TMEM38A: variants seen among roughly 807,000 people sequenced by gnomAD.
The protein encoded by TMEM38A is transmembrane protein 38A, also known as trimeric intracellular cation channel type A.
Under a neutral mutation model 28.6 loss-of-function variants are expected in TMEM38A, and 17 were observed. That is an observed-to-expected ratio of 0.60 (90% CI 0.41 to 0.89). TMEM38A has a LOEUF of 0.89. Among genes scored for constraint, TMEM38A ranks in the 40% least tolerant of loss-of-function variants. The probability of loss-of-function intolerance (pLI) is 0.00; values close to 1 mark genes in which losing one functional copy is unlikely to be tolerated. For synonymous variants in TMEM38A, 169 were observed against 166.1 expected (o/e 1.02, Z -0.14); for missense variants, 328 against 393.1 (o/e 0.83, Z 1.40).
chr19:16,670,243 C>T (rs1016025703), intron 1 of TMEM38A, among the ~76,000 whole-genome samples: 11 of 149,880 alleles, frequency 7.3e-5, no homozygotes, highest in Middle Eastern at 3.5e-3. Flanking sequence ...GCTGGGATTA[C>T]AGGCATCAGC....
chr19:16,687,979 C>G (rs1200690311), intron 5 of TMEM38A, among the ~76,000 whole-genome samples, 165 bp from the exon 6 acceptor site: 2 of 152,134 alleles, frequency 1.3e-5, no homozygotes, highest in African/African-American at 4.8e-5. Context: ...GGTCGCCCAT[C>G]ATCCTGGGGG....
At chr19:16,683,731 G>C (rs557690057) in intron 4 of TMEM38A, among the ~76,000 whole-genome samples, 62 of 152,284 alleles carry the variant, frequency 4.1e-4, no homozygotes, top group African/African-American at 1.3e-3. Flanking sequence ...AGCACTTTGG[G>C]AGGCTGAGGT....
intron 1 of TMEM38A, among the ~76,000 whole-genome samples, chr19:16,679,138 C>A (rs1406091738): frequency 1.4e-5 from 2 of 140,682 alleles, no homozygotes; most frequent in Admixed American, 7.4e-5. Flanking sequence ...GACAGAGTGA[C>A]ACTCTGTTTG....
chr19:16,670,663 G>A (rs907844836), intron 1 of TMEM38A, among the ~76,000 whole-genome samples: 18 of 152,126 alleles, frequency 1.2e-4, no homozygotes, highest in Non-Finnish European at 2.4e-4. Context: ...GTCCAGCCGG[G>A]TGCGGGGGCT....
In TMEM38A at chr19:16,661,777, C is replaced by G. The variant is rs1454649638; in HGVS notation, c.124+436C>G. Among the ~76,000 whole-genome samples, 1 of 150,960 alleles carries G rather than the reference C, an allele frequency of 6.6e-6. No homozygotes were observed. The highest frequency in any genetic ancestry group is 2.1e-4 in the South Asian group (1 of 4,784). The stretch of plus-strand genomic sequence containing the variant: ...AGCGCCAGCGGAGTGTCTATAAGGG[C>G]CACTGCGCTGGGGGCTGCGGTCAGG... On this transcript the variant is annotated intron_variant, in intron 1 of 5. Coordinates refer to ENST00000187762, the MANE Select transcript of TMEM38A (RefSeq NM_024074.4). This position sits in a 1 kb window ranked among gnomAD's most constrained non-coding sequence, Gnocchi z 6.5.
At chr19:16,672,114 C>A (rs2086730109) in intron 1 of TMEM38A, among the ~76,000 whole-genome samples, 1 of 152,110 alleles carries the variant, frequency 6.6e-6, no homozygotes, top group South Asian at 2.1e-4. Flanking sequence ...GGAGAAGCTG[C>A]ATTTTGGGCT....
chr19:16,686,400 T>C lies in TMEM38A; in HGVS notation c.667T>C (p.Cys223Arg). ...IFIFTLFMVS[C>R]KVFLTATHSH... The stretch of plus-strand genomic sequence containing the variant: ...CATCTTCACCTTGTTCATGGTGTCC[T>C]GTAAGGTAAGCCTTTCTCTTCTTGC... The change falls in exon 5 of 6, where the codon TGT becomes CGT. Residue 223 changes from cysteine to arginine, a missense_variant. Cys to Arg is a radical substitution (Grantham distance 180, BLOSUM62 -3). Transcript: ENST00000187762. 1 of 1,611,714 alleles carries C rather than the reference T, an allele frequency of 6.2e-7. No homozygotes were observed. Among genetic ancestry groups the C allele is most frequent in the Non-Finnish European group, 8.5e-7 (1 of 1,178,370 alleles).
rs1309041767 is a variant in TMEM38A at position 16,686,318 on chromosome 19, C to A, written c.585C>A (p.Ile195=). ...FPTKASLYGA[I]LFTLQQTRWL... is the part of the protein sequence containing the mutation. ...CCAAGGCCAGCCTGTATGGAGCCAT[C>A]CTCTTCACCCTCCAGCAGACCCGCT... Residue 195 remains isoleucine (I), a synonymous_variant, in exon 5 of 6, where the codon ATC becomes ATA. Transcript: ENST00000187762. 1.2e-6 allele frequency: 2 copies of A among 1,612,976 alleles called. No homozygotes were observed. Among genetic ancestry groups the A allele is most frequent in the African/African-American group, 2.7e-5 (2 of 74,896 alleles).
rs1162162094 is a variant in TMEM38A at position 16,662,448 on chromosome 19, TTTTTTTTTTTGCG to T, written c.124+1108_124+1120del. Among the ~76,000 whole-genome samples, 6 of 150,402 alleles carry T rather than the reference TTTTTTTTTTTGCG, an allele frequency of 4.0e-5. No homozygotes were observed. The East Asian group carries it at 9.7e-4, about 24-fold the overall frequency. On this transcript the variant is annotated intron_variant, in intron 1 of 5. Transcript: ENST00000187762. The stretch of plus-strand genomic sequence containing the variant: ...ACGTAAATGCACGCTTTTTTTTTTT[TTTTTTTTTTTGCG>T]GTTTTTTTTTTAGATGGAGTTTCGC...
intron 1 of TMEM38A, among the ~76,000 whole-genome samples, chr19:16,667,195 G>A (rs756255229): frequency 1.3e-5 from 2 of 151,858 alleles, no homozygotes; most frequent in African/African-American, 2.4e-5. Context: ...CTTGAACCAG[G>A]GAGGTGGAGG....
At chr19:16,682,343 C>A in intron 3 of TMEM38A, 78 bp from the exon 4 acceptor site, 1 of 1,188,974 alleles carries the variant, frequency 8.4e-7, no homozygotes, top group South Asian at 1.2e-5. Context: ...AGTGGAGAGA[C>A]TGCTTCCTTG....
In TMEM38A at chr19:16,682,527, C is replaced by G. The variant is rs764941464; in HGVS notation, c.554+19C>G. ...TGTCTTTGTGAGTATCCCACTCCAC[C>G]TCTCCCTCCATGCCTCCTGTATGTC... On this transcript the variant is annotated intron_variant, in intron 4 of 5. Transcript: ENST00000187762. The G allele has an allele frequency of 2.5e-6, 4 of 1,610,360 alleles. No individual in the cohort carries two copies. The highest frequency in any genetic ancestry group is 1.3e-5 in the African/African-American group (1 of 74,822).
intron 3 of TMEM38A, among the ~76,000 whole-genome samples, chr19:16,682,032 G>C (rs1329811662): frequency 1.3e-5 from 2 of 152,120 alleles, no homozygotes; most frequent in Non-Finnish European, 2.9e-5. Context: ...CCAGAGGATG[G>C]GTGGCTTGAG....
chr19:16,688,161 C>A lies in TMEM38A; in HGVS notation c.690C>A (p.Thr230=), dbSNP rs1172189910. 6.9e-7 allele frequency: 1 copy of A among 1,440,466 alleles called. No individual in the cohort carries two copies. Among genetic ancestry groups the A allele is most frequent in the East Asian group, 2.6e-5 (1 of 37,756 alleles). The allele number at this position is 1,440,466 out of a possible 1,614,324, so 89.2% of individuals were successfully genotyped here. ...MVSCKVFLTA[T]HSHSSPFDAL... The stretch of plus-strand genomic sequence containing the variant: ...CACCTCAGGTGTTTCTGACAGCCAC[C>A]CACTCACACAGCTCCCCCTTTGATG... Residue 230 remains threonine, a synonymous_variant, in exon 6 of 6, where the codon ACC becomes ACA. Coordinates refer to ENST00000187762, the MANE Select transcript of TMEM38A (RefSeq NM_024074.4).
chr19:16,679,961 G>A (rs1187068888), intron 1 of TMEM38A, 23 bp from the exon 2 acceptor site: 3 of 1,575,022 alleles, frequency 1.9e-6, no homozygotes, highest in East Asian at 2.3e-5. Flanking sequence ...GGTGATGATG[G>A]GGGACACTCC....
intron 1 of TMEM38A, among the ~76,000 whole-genome samples, chr19:16,675,363 G>A (rs192310866): frequency 6.2e-4 from 94 of 151,726 alleles, no homozygotes; most frequent in Middle Eastern, 3.4e-3. Flanking sequence ...AAGTAGCTGG[G>A]AATACAGACA....
At chr19:16,678,876 C>T (rs985372020) in intron 1 of TMEM38A, among the ~76,000 whole-genome samples, 5 of 149,718 alleles carry the variant, frequency 3.3e-5, no homozygotes, top group African/African-American at 1.2e-4. Flanking sequence ...AGGCTGGGCA[C>T]GGTGACTCAT....
In TMEM38A at chr19:16,661,723, C is replaced by T. The variant is rs1175939326; in HGVS notation, c.124+382C>T. On this transcript the variant is annotated intron_variant, in intron 1 of 5. Transcript: ENST00000187762. The surrounding 1 kb of genome is among the most constrained non-coding windows in gnomAD (Gnocchi z 6.5). ...TTCTGGCCGCGCGCAGGTGTGACCT[C>T]CCTCCTTGACCTTGGCACGCGGATT... is the stretch of plus-strand genomic sequence containing the variant. Among the ~76,000 whole-genome samples, 1 of 151,556 alleles carries T rather than the reference C, an allele frequency of 6.6e-6. No individual in the cohort carries two copies. The highest frequency in any genetic ancestry group is 2.4e-5 in the African/African-American group (1 of 40,982).
At position 16,675,862 on chromosome 19, in the gene TMEM38A, G is replaced by A. The variant is rs1023247837; in HGVS notation, c.125-4122G>A. On this transcript the variant is annotated intron_variant, in intron 1 of 5. Coordinates refer to ENST00000187762, the MANE Select transcript of TMEM38A (RefSeq NM_024074.4). ...ATTTATAAAGGCTCTAACCCCGTTC[G>A]TGAGGGGTCTACCCTGGTGACATAA... Among the ~76,000 whole-genome samples, 7 of 151,914 alleles carry A rather than the reference G, an allele frequency of 4.6e-5. No homozygotes were observed. The South Asian group carries it at 1.0e-3, about 23-fold the overall frequency.
Sources: allele counts gnomAD v4.1 joint callset (sites outside exome capture counted in the v4.1 genomes callset), GRCh38; gene constraint gnomAD v4.1.1; non-coding constraint Gnocchi (gnomAD v3.1); transcripts MANE v1.5; gene names NCBI Gene and HGNC (gene_info 2026-07-23, HGNC 2026-07-21).